Variants in DMD observed in about 807,000 individuals in gnomAD.
DMD encodes the protein mutant dystrophin.
Under a neutral mutation model 330.1 loss-of-function variants are expected in DMD, and 63 were observed. The ratio of observed to expected loss-of-function variants is 0.19; its 90% CI spans 0.16 to 0.24. The LOEUF (loss-of-function observed/expected upper bound fraction) is 0.24, where lower values mean the gene tolerates loss of function less well. DMD is among the 10% of genes least tolerant of loss of function. DMD has a pLI of 1.00. For synonymous variants in DMD, 1,223 were observed against 959.8 expected, an observed-to-expected ratio of 1.27 and a Z score of -5.07; for missense variants, 3,344 against 2,684.1, an observed-to-expected ratio of 1.25 and a Z score of -5.43.
chrX:31,697,164 C>T (rs1394963802), intron 52 of DMD, among the ~76,000 whole-genome samples: 1 of 111,521 alleles, frequency 9.0e-6, no homozygotes, highest in African/African-American at 3.3e-5. Flanking sequence ...AATTTTACCA[C>T]ACTTGCGACA....
In DMD at chrX:33,026,313, C is replaced by CAAAAAAAAAAAAAAAAAAAAAAAAAAA. The variant is rs56794668; in HGVS notation, c.32-6140_32-6114dup. On this transcript the variant is annotated intron_variant, in intron 1 of 78. Coordinates refer to ENST00000357033, the MANE Select transcript of DMD (RefSeq NM_004006.3). ...CTGGGGGACAGAGGAGACTCCGTCT[C>CAAAAAAAAAAAAAAAAAAAAAAAAAAA]AAAAAAAAAAAAAAAAAAAAAAAAA... Among the ~76,000 whole-genome samples the CAAAAAAAAAAAAAAAAAAAAAAAAAAA allele has an allele frequency of 4.3e-4, 14 of 32,780 alleles. 2 individuals carry two copies. Among genetic ancestry groups the CAAAAAAAAAAAAAAAAAAAAAAAAAAA allele is most frequent in the Non-Finnish European group, 5.8e-4 (11 of 18,863 alleles). The allele number at this position is 32,780 out of a possible 115,157, so 28.5% of individuals were successfully genotyped here.
chrX:31,650,557 A>C (rs2080393926), intron 54 of DMD, among the ~76,000 whole-genome samples: 1 of 111,617 alleles, frequency 9.0e-6, no homozygotes, highest in Non-Finnish European at 1.9e-5. Flanking sequence ...ACAGTCCTTA[A>C]GTAGTTCCAG....
intron 61 of DMD, among the ~76,000 whole-genome samples, chrX:31,328,255 T>G (rs769440654): frequency 9.0e-5 from 10 of 110,517 alleles, no homozygotes; most frequent in African/African-American, 1.7e-4. Flanking sequence ...AGAAGTATAT[T>G]TACTTGATTA....
At chrX:32,105,172 C>G (rs529191113) in intron 44 of DMD, among the ~76,000 whole-genome samples, 1 of 111,582 alleles carries the variant, frequency 9.0e-6, no homozygotes, top group Non-Finnish European at 1.9e-5. Flanking sequence ...ACCAAAAATG[C>G]CTCCCTTGTT....
chrX:31,305,733 C>A (rs1029824586), intron 62 of DMD, among the ~76,000 whole-genome samples: 4 of 112,430 alleles, frequency 3.6e-5, no homozygotes, highest in Non-Finnish European at 7.5e-5. Flanking sequence ...CAGCAAAAAA[C>A]CAAACACCTC....
intron 50 of DMD, among the ~76,000 whole-genome samples, chrX:31,807,080 C>T (rs763621463): frequency 1.8e-5 from 2 of 111,129 alleles, no homozygotes; most frequent in Admixed American, 9.6e-5. Flanking sequence ...CCGAAGGGGA[C>T]GCTTTCCAGA....
intron 2 of DMD, among the ~76,000 whole-genome samples, chrX:32,897,697 A>C (rs2085853104): frequency 8.9e-6 from 1 of 112,464 alleles, no homozygotes; most frequent in Non-Finnish European, 1.9e-5. Flanking sequence ...GAAGTTCAAA[A>C]CAAGTCATTT....
At chrX:33,193,746 T>C (rs1328315487) in intron 1 of DMD, among the ~76,000 whole-genome samples, 1 of 112,295 alleles carries the variant, frequency 8.9e-6, no homozygotes, top group Non-Finnish European at 1.9e-5. Flanking sequence ...TGCATAATTC[T>C]AGTTTTTGAA....
chrX:32,925,147 T>TTTG (rs2088858284), intron 2 of DMD, among the ~76,000 whole-genome samples: 1 of 32,469 alleles, frequency 3.1e-5, no homozygotes, highest in African/African-American at 1.5e-4. Flanking sequence ...AACTCTGGGT[T>TTTG]TTTTTTTTTT....
intron 41 of DMD, among the ~76,000 whole-genome samples, chrX:32,322,521 T>C (rs1387189498): frequency 9.0e-6 from 1 of 110,612 alleles, no homozygotes; most frequent in Non-Finnish European, 1.9e-5. Context: ...TATGATTGCA[T>C]CGCGGCACTC....
intron 30 of DMD, among the ~76,000 whole-genome samples, chrX:32,403,440 C>T (rs2098098599): frequency 9.0e-6 from 1 of 111,428 alleles, no homozygotes; most frequent in Non-Finnish European, 1.9e-5. Context: ...CAAAAGCATA[C>T]TATAGTTTAA....
intron 64 of DMD, among the ~76,000 whole-genome samples, chrX:31,211,542 G>T (rs2044673659): frequency 1.8e-5 from 2 of 112,421 alleles, no homozygotes; most frequent in Non-Finnish European, 3.8e-5. Context: ...AGTAACTAGT[G>T]AAAATTTTTC....
chrX:31,174,142 A>G (rs2040276292), intron 71 of DMD, among the ~76,000 whole-genome samples: 1 of 111,746 alleles, frequency 8.9e-6, no homozygotes, highest in African/African-American at 3.2e-5. Context: ...TAAAGAAGAA[A>G]TGTATCTTCC....
chrX:32,510,487 A>G (rs2045173068), intron 18 of DMD, among the ~76,000 whole-genome samples: 1 of 111,456 alleles, frequency 9.0e-6, no homozygotes, highest in Non-Finnish European at 1.9e-5. Context: ...CTTCATTTCC[A>G]TCTTTCCCAC....
chrX:32,310,410 T>A (rs757111896), intron 41 of DMD, 134 bp from the exon 42 acceptor site: 15 of 515,358 alleles, frequency 2.9e-5, no homozygotes, highest in Non-Finnish European at 5.0e-5. Context: ...ATTCAAAACC[T>A]CACGATGGTA....
chrX:32,049,220 A>C (rs2096087039), intron 44 of DMD, among the ~76,000 whole-genome samples: 1 of 111,454 alleles, frequency 9.0e-6, no homozygotes, highest in African/African-American at 3.3e-5. Context: ...GAGTTCTTAC[A>C]AAGAGGAATA....
intron 61 of DMD, among the ~76,000 whole-genome samples, chrX:31,330,120 C>A (rs2057032084): frequency 9.3e-6 from 1 of 107,360 alleles, no homozygotes; most frequent in South Asian, 4.2e-4. Flanking sequence ...GCAATAGTAT[C>A]TTGGGTGTAT....
intron 45 of DMD, among the ~76,000 whole-genome samples, chrX:31,933,221 C>T (rs1370130248): frequency 1.8e-5 from 2 of 112,061 alleles, no homozygotes; most frequent in Non-Finnish European, 3.8e-5. Context: ...TTCTGTGGGT[C>T]AAGGATTTGG....
intron 55 of DMD, among the ~76,000 whole-genome samples, chrX:31,518,263 T>C (rs752167855): frequency 1.2e-4 from 14 of 112,016 alleles, no homozygotes; most frequent in African/African-American, 4.5e-4. Context: ...AATTCTGGTG[T>C]TGAAAGAGAA....
Sources: allele counts gnomAD v4.1 joint callset (sites outside exome capture counted in the v4.1 genomes callset), GRCh38; gene constraint gnomAD v4.1.1; transcripts MANE v1.5; gene names NCBI Gene and HGNC (gene_info 2026-07-23, HGNC 2026-07-21).